Variants in TRIM3 observed in about 807,000 individuals in gnomAD.
The protein encoded by TRIM3 is tripartite motif containing 3.
Under a neutral mutation model 66.6 loss-of-function variants are expected in TRIM3, and 13 were observed. That is an observed-to-expected ratio of 0.20 (90% CI 0.13 to 0.31). The LOEUF is 0.31. Ranked by LOEUF, TRIM3 falls within the 10% of genes least tolerant of loss-of-function variation. The pLI, the probability that TRIM3 is intolerant of heterozygous loss-of-function variation, is 1.00. For missense variants in TRIM3, 711 were observed against 1,020.4 expected (o/e 0.70, Z 4.13); for synonymous variants, 406 against 411.7 (o/e 0.99, Z 0.17).
chr11:6,462,982 A>T (rs1382905813), intron 2 of TRIM3, among the ~76,000 whole-genome samples: 2 of 152,152 alleles, frequency 1.3e-5, no homozygotes, highest in East Asian at 3.9e-4. Context: ...TGAGGCGGGC[A>T]GATCACAAGG....
In TRIM3 at chr11:6,457,210, G is replaced by A. The variant is rs1388465723; in HGVS notation, c.696+86C>T. The A allele has an allele frequency of 2.4e-5, 37 of 1,552,536 alleles. No individual in the cohort carries two copies. The Middle Eastern group carries it at 6.9e-4, about 29-fold the overall frequency. Reference sequence around the variant, plus strand: ...CAGAATATCTAGGCTGGGGAATGGGGAGCTGGTGTGGAAGACAGAGGAACA... The same window carrying A: ...CAGAATATCTAGGCTGGGGAATGGGAAGCTGGTGTGGAAGACAGAGGAACA... On this transcript the variant is annotated intron_variant, in intron 5 of 11. Transcript: ENST00000345851. This position sits in a 1 kb window ranked among gnomAD's most constrained non-coding sequence, Gnocchi z 4.5.
chr11:6,470,730 G>A (rs916441977), intron 1 of TRIM3, among the ~76,000 whole-genome samples: 1 of 152,222 alleles, frequency 6.6e-6, no homozygotes, highest in Non-Finnish European at 1.5e-5. Flanking sequence ...CTGAAGCCAT[G>A]GGCGTGGATG....
Position 6,458,368 on chromosome 11 carries a change from T to C in TRIM3, c.132-72A>G. On this transcript the variant is annotated intron_variant, in intron 2 of 11. Transcript: ENST00000345851. The surrounding 1 kb of genome is among the most constrained non-coding windows in gnomAD (Gnocchi z 6.2). ...AGTGCACCCTTCCTTATACTTCCCA[T>C]GGGTGCCAACCCCTTCCCTCACAGG... The C allele has an allele frequency of 7.7e-7, 1 of 1,303,650 alleles. No homozygotes were observed. Among genetic ancestry groups the C allele is most frequent in the Non-Finnish European group, 1.1e-6 (1 of 920,186 alleles). The allele number at this position is 1,303,650 out of a possible 1,614,324, so 80.8% of individuals were successfully genotyped here.
In TRIM3 at chr11:6,456,864, C is replaced by T. The variant is rs774145028; in HGVS notation, c.862G>A (p.Glu288Lys). 2 of 1,612,708 alleles carry T rather than the reference C, an allele frequency of 1.2e-6. No homozygotes were observed. The highest frequency in any genetic ancestry group is 2.2e-5 in the South Asian group (2 of 91,088). ...LAALAAQAFP[E>K]RPHENAQLEL... is the part of the protein sequence containing the mutation. ...AGCTGTGCATTCTCATGTGGCCGCT[C>T]CGGGAAGGCCTGTGCCGCCAATGCA... The change falls in exon 6 of 12, where the codon GAG (glutamate) becomes AAG (lysine). Residue 288 changes from glutamate to lysine, a missense_variant. By Grantham distance (56) the Glu-to-Lys change is moderately conservative. This residue lies in a region of TRIM3 where 399 missense variants were observed against 458.1 expected (regional missense o/e 0.87). Transcript: ENST00000345851. This position sits in a 1 kb window ranked among gnomAD's most constrained non-coding sequence, Gnocchi z 6.4.
intron 1 of TRIM3, chr11:6,473,134 G>C (rs1207999128): frequency 2.0e-5 from 3 of 152,660 alleles, no homozygotes; most frequent in Non-Finnish European, 4.4e-5. Flanking sequence ...TGTCCCTGCA[G>C]GTTTGCAGCC....
chr11:6,462,891 C>A (rs1225082911), intron 2 of TRIM3, among the ~76,000 whole-genome samples: 1 of 150,910 alleles, frequency 6.6e-6, no homozygotes. Flanking sequence ...ACACTCATCT[C>A]TAAAAAAAAA....
At chr11:6,459,856 T>C (rs556337794) in intron 2 of TRIM3, among the ~76,000 whole-genome samples, 1 of 152,264 alleles carries the variant, frequency 6.6e-6, no homozygotes, top group South Asian at 2.1e-4. Flanking sequence ...GAGGAGTAGC[T>C]ATAGGAAAGT....
Position 6,448,651 on chromosome 11 carries a change from A to C in TRIM3, c.*377T>G. Reference sequence around the variant, plus strand: ...ATTTATTTAATATGGGGGGTGGGGTATTGCTGTCTCTGTCAGTGTGTATAG... The same window carrying C: ...ATTTATTTAATATGGGGGGTGGGGTCTTGCTGTCTCTGTCAGTGTGTATAG... On this transcript the variant is annotated 3_prime_UTR_variant, in exon 12 of 12. Transcript: ENST00000345851. 1 of 456,918 alleles carries C rather than the reference A, an allele frequency of 2.2e-6. No homozygotes were observed. Among genetic ancestry groups the C allele is most frequent in the Non-Finnish European group, 3.9e-6 (1 of 254,872 alleles). 28.3% of individuals were successfully genotyped at this position (456,918 alleles called of 1,614,324 possible).
In TRIM3 at chr11:6,457,562, C is replaced by T; in HGVS notation, c.516-86G>A. Reference sequence around the variant, plus strand: ...TCCCTGGGGAACCTACTGCTGCCCTCATGGAGATCTCCTTCCTGAGACCTC... The same window carrying T: ...TCCCTGGGGAACCTACTGCTGCCCTTATGGAGATCTCCTTCCTGAGACCTC... On this transcript the variant is annotated intron_variant, in intron 4 of 11. Transcript: ENST00000345851. The surrounding 1 kb of genome is among the most constrained non-coding windows in gnomAD (Gnocchi z 4.5). The T allele has an allele frequency of 6.4e-7, 1 of 1,561,854 alleles. No homozygotes were observed. Among genetic ancestry groups the T allele is most frequent in the South Asian group, 1.2e-5 (1 of 84,300 alleles).
At chr11:6,466,258 A>C (rs1441565644) in intron 1 of TRIM3, among the ~76,000 whole-genome samples, 3 of 152,154 alleles carry the variant, frequency 2.0e-5, no homozygotes, top group Admixed American at 2.0e-4. Context: ...AGTTAGTATC[A>C]AGGTCGGGAT....
At chr11:6,462,705 C>T (rs1241187418) in intron 2 of TRIM3, among the ~76,000 whole-genome samples, 1 of 152,082 alleles carries the variant, frequency 6.6e-6, no homozygotes, top group East Asian at 1.9e-4. Context: ...AGCAACTGCA[C>T]CTGGCCAGAG....
In TRIM3 at chr11:6,456,673, G is replaced by T; in HGVS notation, c.1053C>A (p.Asp351Glu). 6.2e-7 allele frequency: 1 copy of T among 1,606,246 alleles called. No homozygotes were observed. Among genetic ancestry groups the T allele is most frequent in the African/African-American group, 1.3e-5 (1 of 74,966 alleles). The stretch of plus-strand genomic sequence containing the variant: ...CGCTGCCTGTGCGCACCAACCGCCC[G>T]TCCTTGTCTTTGGTAGTGACAGTGA... ...ASLTVTTKDK[D>E]GRLVRTGSAE... is the part of the protein sequence containing the mutation. Residue 351 changes from aspartate to glutamate, a missense_variant, in exon 6 of 12, where the codon GAC becomes GAA. Around this residue, in one of 3 missense-constraint regions of TRIM3, gnomAD observed 399 missense variants for 458.1 expected, o/e 0.87. Coordinates refer to ENST00000345851, the MANE Select transcript of TRIM3 (RefSeq NM_033278.4). This position sits in a 1 kb window ranked among gnomAD's most constrained non-coding sequence, Gnocchi z 6.4.
chr11:6,450,478 A>T lies in TRIM3; in HGVS notation c.1941+73T>A. ...ATCTCAAAGGGGAAAAGGAGGAGGT[A>T]AAATAGAGAGGAGTCTTGTGGAAGA... On this transcript the variant is annotated intron_variant, in intron 10 of 11. Coordinates refer to ENST00000345851, the MANE Select transcript of TRIM3 (RefSeq NM_033278.4). The surrounding 1 kb of genome is among the most constrained non-coding windows in gnomAD (Gnocchi z 4.8). 1 of 1,327,786 alleles carries T rather than the reference A, an allele frequency of 7.5e-7. No homozygotes were observed. Among genetic ancestry groups the T allele is most frequent in the Non-Finnish European group, 1.1e-6 (1 of 919,626 alleles). 82.3% of individuals were successfully genotyped at this position (1,327,786 alleles called of 1,614,324 possible). A position where few individuals can be genotyped will look rare whatever the true frequency, so the allele number is the denominator to read the frequency against.
intron 2 of TRIM3, among the ~76,000 whole-genome samples, chr11:6,460,743 ACT>A (rs1191803343): frequency 6.6e-6 from 1 of 151,824 alleles, no homozygotes; most frequent in Non-Finnish European, 1.5e-5. Context: ...CATTATGCAA[ACT>A]CTCCCATATC....
chr11:6,456,794 T>A lies in TRIM3; in HGVS notation c.932A>T (p.Asn311Ile). The A allele has an allele frequency of 6.2e-7, 1 of 1,612,566 alleles. No homozygotes were observed. The highest frequency in any genetic ancestry group is 8.5e-7 in the Non-Finnish European group (1 of 1,179,946). ...EVDGLRRSVL[N>I]LGALLTTSAT... ...GCTCGTGGTGAGCAGTGCGCCCAGA[T>A]TGAGCACCGATCGCCGCAGACCGTC... Residue 311 changes from asparagine (N) to isoleucine (I), a missense_variant, in exon 6 of 12, where the codon AAT becomes ATT. Physicochemically the swap from Asn to Ile is moderately radical, Grantham distance 149. Coordinates refer to ENST00000345851, the MANE Select transcript of TRIM3 (RefSeq NM_033278.4). The surrounding 1 kb of genome is among the most constrained non-coding windows in gnomAD (Gnocchi z 6.4).
chr11:6,451,256 C>T lies in TRIM3; in HGVS notation c.1701+15G>A. ...CTGGACACCAGGGTAAGTAAAGTGA[C>T]AGCAGGCCTCTCACCTTGAACTTGC... is the stretch of plus-strand genomic sequence containing the variant. On this transcript the variant is annotated intron_variant, in intron 8 of 11. Coordinates refer to ENST00000345851, the MANE Select transcript of TRIM3 (RefSeq NM_033278.4). The T allele has an allele frequency of 6.2e-7, 1 of 1,613,894 alleles. No homozygotes were observed. Among genetic ancestry groups the T allele is most frequent in the Non-Finnish European group, 8.5e-7 (1 of 1,179,900 alleles).
Position 6,457,847 on chromosome 11 carries a change from T to C in TRIM3, c.364A>G (p.Thr122Ala). ...PLSCPNHEGK[T>A]MEFYCEACET... ...CAGGCCTCACAGTAAAACTCCATCG[T>C]CTGCGGTACAAGGACTCCAGTCGGG... The change falls in exon 4 of 12, where the codon ACG becomes GCG. Residue 122 changes from threonine (T) to alanine (A), a missense_variant and splice_region_variant. Thr to Ala is a moderately conservative substitution (Grantham distance 58). This residue lies in a region of TRIM3 where 149 missense variants were observed against 240.3 expected (regional missense o/e 0.62). Coordinates refer to ENST00000345851, the MANE Select transcript of TRIM3 (RefSeq NM_033278.4). The surrounding 1 kb of genome is among the most constrained non-coding windows in gnomAD (Gnocchi z 4.5). 1 of 1,614,184 alleles carries C rather than the reference T, an allele frequency of 6.2e-7. No homozygotes were observed. The highest frequency in any genetic ancestry group is 8.5e-7 in the Non-Finnish European group (1 of 1,180,018).
At chr11:6,470,245 G>T (rs922191533) in intron 1 of TRIM3, among the ~76,000 whole-genome samples, 1 of 152,170 alleles carries the variant, frequency 6.6e-6, no homozygotes. Context: ...AATCAATTTT[G>T]CAGGGGGATA....
intron 2 of TRIM3, among the ~76,000 whole-genome samples, chr11:6,463,186 CAGAG>C (rs751998972): frequency 1.3e-5 from 2 of 151,914 alleles, no homozygotes; most frequent in African/African-American, 4.8e-5. Flanking sequence ...GCCTGGGTGA[CAGAG>C]AGAGACTCTG....
Sources: allele counts gnomAD v4.1 joint callset (sites outside exome capture counted in the v4.1 genomes callset), GRCh38; gene constraint gnomAD v4.1.1; regional missense constraint gnomAD v4.1.1; non-coding constraint Gnocchi (gnomAD v3.1); transcripts MANE v1.5; gene names NCBI Gene and HGNC (gene_info 2026-07-23, HGNC 2026-07-21).